The following ROR1 variants were observed in gnomAD, a reference collection of about 807,000 sequenced individuals.
ROR1 encodes the protein inactive tyrosine-protein kinase transmembrane receptor ROR1.
ROR1 carries 19 observed loss-of-function variants against 78.8 expected under a neutral mutation model. The ratio of observed to expected loss-of-function variants is 0.24; its 90% CI spans 0.17 to 0.35. The LOEUF is 0.35. Among genes scored for constraint, ROR1 ranks in the 10% least tolerant of loss-of-function variants. The pLI is 1.00. For synonymous variants in ROR1, 386 were observed against 433.6 expected, an observed-to-expected ratio of 0.89 and a Z score of 1.36; for missense variants, 917 against 1,177.8, an observed-to-expected ratio of 0.78 and a Z score of 3.24.
At chr1:64,139,163 TC>T (rs1649222088) in intron 5 of ROR1, among the ~76,000 whole-genome samples, 2 of 52,480 alleles carry the variant, frequency 3.8e-5, no homozygotes, top group Admixed American at 2.9e-4. Flanking sequence ...TGAGACTGTC[TC>T]AAAAAAAAAA....
intron 4 of ROR1, among the ~76,000 whole-genome samples, chr1:64,101,151 G>A (rs566903580): frequency 2.6e-5 from 4 of 152,276 alleles, no homozygotes; most frequent in Middle Eastern, 3.4e-3. Context: ...TAAAAAAGCC[G>A]TTGAGCTGCT....
chr1:63,811,022 A>G (rs1194724062), intron 1 of ROR1, among the ~76,000 whole-genome samples: 1 of 152,196 alleles, frequency 6.6e-6, no homozygotes, highest in Non-Finnish European at 1.5e-5. Context: ...AATTTTGCCT[A>G]GAAACTGACC....
chr1:64,135,423 G>A (rs1649070189), intron 4 of ROR1, among the ~76,000 whole-genome samples: 1 of 151,910 alleles, frequency 6.6e-6, no homozygotes, highest in African/African-American at 2.4e-5. Flanking sequence ...TTTAATGTGG[G>A]GGAGAAAGAA....
At chr1:63,971,690 T>C (rs1646120740) in intron 1 of ROR1, among the ~76,000 whole-genome samples, 1 of 152,200 alleles carries the variant, frequency 6.6e-6, no homozygotes, top group South Asian at 2.1e-4. Context: ...AAGCCCTTCA[T>C]TGTCTACAAT....
chr1:64,159,447 C>G (rs1453787130), intron 8 of ROR1, among the ~76,000 whole-genome samples: 2 of 152,092 alleles, frequency 1.3e-5, no homozygotes, highest in Non-Finnish European at 2.9e-5. Flanking sequence ...GAAGTGATCC[C>G]TAAGAAATCA....
chr1:63,965,192 C>T (rs1297444387), intron 1 of ROR1, among the ~76,000 whole-genome samples: 1 of 152,152 alleles, frequency 6.6e-6, no homozygotes, highest in Non-Finnish European at 1.5e-5. Flanking sequence ...CCAACGTTAA[C>T]ACAGCTGGTA....
At chr1:64,101,219 A>C (rs998243500) in intron 4 of ROR1, among the ~76,000 whole-genome samples, 6 of 152,130 alleles carry the variant, frequency 3.9e-5, no homozygotes, top group African/African-American at 1.4e-4. Flanking sequence ...AAAACCTTAA[A>C]CTGGGACATC....
intron 1 of ROR1, among the ~76,000 whole-genome samples, chr1:63,835,266 T>G (rs1311829144): frequency 6.6e-6 from 1 of 152,182 alleles, no homozygotes; most frequent in African/African-American, 2.4e-5. Flanking sequence ...TCAGAGCTGT[T>G]AAGAAAACAT....
chr1:63,858,417 C>T (rs926609762), intron 1 of ROR1, among the ~76,000 whole-genome samples: 2 of 152,116 alleles, frequency 1.3e-5, no homozygotes. Context: ...CTCATTCTAC[C>T]TCTCAGCTAT....
intron 7 of ROR1, among the ~76,000 whole-genome samples, chr1:64,156,102 C>T (rs888309187): frequency 1.3e-5 from 2 of 152,178 alleles, no homozygotes; most frequent in African/African-American, 4.8e-5. Context: ...TGTGAATCCC[C>T]CTCTAGTCTA....
intron 1 of ROR1, among the ~76,000 whole-genome samples, chr1:64,004,345 C>A (rs1251275136): frequency 2.0e-5 from 3 of 152,166 alleles, no homozygotes; most frequent in African/African-American, 7.2e-5. Flanking sequence ...GGTCTAGAGC[C>A]TGTACTCTTG....
At chr1:63,825,805 G>T (rs535992171) in intron 1 of ROR1, among the ~76,000 whole-genome samples, 2 of 151,834 alleles carry the variant, frequency 1.3e-5, no homozygotes, top group Non-Finnish European at 2.9e-5. Flanking sequence ...TTCCTTTTAC[G>T]CCAAAATCCA....
chr1:63,966,346 C>T (rs1646075689), intron 1 of ROR1, among the ~76,000 whole-genome samples: 1 of 152,132 alleles, frequency 6.6e-6, no homozygotes, highest in South Asian at 2.1e-4. Context: ...AGGGCACATC[C>T]CAGCTCGGCA....
chr1:63,815,651 A>G (rs1028053440), intron 1 of ROR1, among the ~76,000 whole-genome samples: 1 of 152,056 alleles, frequency 6.6e-6, no homozygotes, highest in African/African-American at 2.4e-5. Flanking sequence ...AACTTACTCT[A>G]TCAGTTGGCA....
At chr1:63,776,863 G>C (rs1225781040) in intron 1 of ROR1, among the ~76,000 whole-genome samples, 1 of 151,946 alleles carries the variant, frequency 6.6e-6, no homozygotes, top group Non-Finnish European at 1.5e-5. Flanking sequence ...GTGAATGTTT[G>C]ATCTTTTCTC....
chr1:64,077,196 A>G (rs1374640816), intron 4 of ROR1, among the ~76,000 whole-genome samples: 1 of 152,238 alleles, frequency 6.6e-6, no homozygotes, highest in African/African-American at 2.4e-5. Flanking sequence ...CATTTCAAGT[A>G]TATGTTCTTG....
At chr1:64,097,478 G>C (rs922174522) in intron 4 of ROR1, among the ~76,000 whole-genome samples, 1 of 151,986 alleles carries the variant, frequency 6.6e-6, no homozygotes, top group Non-Finnish European at 1.5e-5. Flanking sequence ...CTGGGGATTA[G>C]GACATTCACA....
intron 1 of ROR1, among the ~76,000 whole-genome samples, chr1:63,796,177 G>A (rs1228928036): frequency 2.0e-5 from 3 of 152,060 alleles, no homozygotes; most frequent in African/African-American, 7.2e-5. Flanking sequence ...TTCTACAAAG[G>A]ATGACATCAG....
At chr1:63,951,480 T>A (rs1645935047) in intron 1 of ROR1, among the ~76,000 whole-genome samples, 1 of 152,122 alleles carries the variant, frequency 6.6e-6, no homozygotes, top group Admixed American at 6.5e-5. Flanking sequence ...GGAGAACTCG[T>A]CTCTGAGGAG....
Sources: gnomAD v4.1 joint callset for allele counts (sites outside exome capture counted in the v4.1 genomes callset) on GRCh38, gnomAD v4.1.1 for gene constraint, MANE v1.5 for transcripts, NCBI Gene and HGNC (gene_info 2026-07-23, HGNC 2026-07-21) for gene names.